MALRD1: variants seen among roughly 807,000 people sequenced by gnomAD.
MALRD1 encodes MAM and LDL receptor class A domain containing 1, also known as MAM and LDL-receptor class A domain-containing protein 1.
A neutral mutation model predicts 242.1 loss-of-function variants in MALRD1; 247 were observed. That is an observed-to-expected ratio of 1.02 (90% CI 0.92 to 1.13). MALRD1 has a LOEUF of 1.13. Among genes scored for constraint, MALRD1 ranks in the 50% most tolerant of loss-of-function variants. The pLI is 0.00. For synonymous variants in MALRD1, 995 were observed against 866.6 expected (o/e 1.15, Z -2.60); for missense variants, 2,989 against 2,533.1 (o/e 1.18, Z -3.86).
intron 11 of MALRD1, among the ~76,000 whole-genome samples, chr10:19,151,861 T>C (rs971980745): frequency 6.6e-6 from 1 of 152,218 alleles, no homozygotes; most frequent in African/African-American, 2.4e-5. Context: ...GAACCAAACC[T>C]AACTGGAGTA....
At chr10:19,148,158 A>G (rs142892197) in intron 11 of MALRD1, among the ~76,000 whole-genome samples, 1 of 152,014 alleles carries the variant, frequency 6.6e-6, no homozygotes. Context: ...AAAAACATGG[A>G]TGTGCTGAAG....
Position 19,389,168 on chromosome 10 carries a change from A to G in MALRD1, c.4688-284A>G, listed in dbSNP as rs190813786. The G allele has an allele frequency of 1.2e-3, 572 of 482,990 alleles. 2 individuals are homozygous for G. Among genetic ancestry groups the G allele is most frequent in the Admixed American group, 4.5e-3 (171 of 37,842 alleles). 29.9% of individuals were successfully genotyped at this position (482,990 alleles called of 1,614,324 possible). On this transcript the variant is annotated intron_variant, in intron 27 of 39. Transcript: ENST00000454679. ...CACTTGGTAGTTTGGGAAATCTATA[A>G]AATAATTTTTGTAGCTATCTTGTTG... is the stretch of plus-strand genomic sequence containing the variant.
rs192902601 is a variant in MALRD1 at position 19,597,174 on chromosome 10, G to A, written c.5944+1717G>A. 3.3e-5 allele frequency among the ~76,000 whole-genome samples: 5 copies of A among 152,080 alleles called. No homozygotes were observed. The East Asian group carries it at 5.8e-4, about 18-fold the overall frequency. On this transcript the variant is annotated intron_variant, in intron 34 of 39. Coordinates refer to ENST00000454679, the MANE Select transcript of MALRD1 (RefSeq NM_001142308.3). The stretch of plus-strand genomic sequence containing the variant: ...TCTTCTAATCTTTTCTTAGAAACAA[G>A]GTAAGCAAATGGAGGTGAATAGAAA...
At chr10:19,066,129 C>A (rs953927591) in intron 1 of MALRD1, among the ~76,000 whole-genome samples, 34 of 152,098 alleles carry the variant, frequency 2.2e-4, no homozygotes, top group African/African-American at 6.5e-4. Context: ...CATCTTTAGA[C>A]AATTTACAAT....
intron 33 of MALRD1, among the ~76,000 whole-genome samples, chr10:19,587,715 A>C (rs907219456): frequency 1.3e-5 from 2 of 152,214 alleles, no homozygotes; most frequent in African/African-American, 4.8e-5. Flanking sequence ...AACTGTCTGC[A>C]TAGCACAAAG....
At chr10:19,688,968 C>G (rs1842709581) in intron 36 of MALRD1, among the ~76,000 whole-genome samples, 1 of 152,192 alleles carries the variant, frequency 6.6e-6, no homozygotes, top group African/African-American at 2.4e-5. Context: ...TCCTCCCCCT[C>G]CACCTTTATA....
chr10:19,251,458 G>C (rs1420556821), intron 18 of MALRD1, among the ~76,000 whole-genome samples: 1 of 151,898 alleles, frequency 6.6e-6, no homozygotes, highest in Non-Finnish European at 1.5e-5. Flanking sequence ...TGGTGTGACT[G>C]TCTGACATGC....
intron 29 of MALRD1, among the ~76,000 whole-genome samples, chr10:19,468,718 T>G (rs7087294): frequency 0.07 from 10,693 of 151,914 alleles, 1,247 homozygotes; most frequent in African/African-American, 0.24. Flanking sequence ...GCCTCAGTGT[T>G]TATATAATCT....
chr10:19,170,793 C>G (rs1409090068), intron 13 of MALRD1, among the ~76,000 whole-genome samples: 2 of 152,110 alleles, frequency 1.3e-5, no homozygotes, highest in African/African-American at 4.8e-5. Context: ...CTTCTATTCT[C>G]TAATCTTCTG....
chr10:19,683,808 C>T (rs1439959222), intron 36 of MALRD1, among the ~76,000 whole-genome samples: 3 of 152,108 alleles, frequency 2.0e-5, no homozygotes, highest in South Asian at 2.1e-4. Flanking sequence ...ACGTGCAGAA[C>T]GTGCAGGATT....
In MALRD1 at chr10:19,205,079, G is replaced by C; in HGVS notation, c.2392G>C (p.Gly798Arg). ...TTTGTCACTAGATAAAGTCAGTCTG[G>C]GCATTTATGATGGGGTCTCAGCTAT... Reference protein sequence around the residue: ...FHLSLDKVSLGIYDGVSAIDD... With the variant: ...FHLSLDKVSLRIYDGVSAIDD... Residue 798 changes from glycine (G) to arginine (R), a missense_variant, in exon 17 of 40, where the codon GGC becomes CGC. By Grantham distance (125) the Gly-to-Arg change is moderately radical. Transcript: ENST00000454679. 3 of 1,550,660 alleles carry C rather than the reference G, an allele frequency of 1.9e-6. No individual in the cohort carries two copies. Among genetic ancestry groups the C allele is most frequent in the Non-Finnish European group, 2.6e-6 (3 of 1,146,998 alleles).
chr10:19,507,276 T>A (rs1833185700), intron 31 of MALRD1, among the ~76,000 whole-genome samples: 1 of 152,082 alleles, frequency 6.6e-6, no homozygotes, highest in Non-Finnish European at 1.5e-5. Flanking sequence ...CACCATGGGT[T>A]GAAATGGTTA....
chr10:19,657,592 T>C (rs1841219731), intron 36 of MALRD1, among the ~76,000 whole-genome samples: 1 of 152,092 alleles, frequency 6.6e-6, no homozygotes, highest in Admixed American at 6.6e-5. Context: ...GGCATATATA[T>C]AATGGGACAC....
chr10:19,183,460 G>T (rs1835605843), intron 14 of MALRD1, among the ~76,000 whole-genome samples: 1 of 152,048 alleles, frequency 6.6e-6, no homozygotes, highest in African/African-American at 2.4e-5. Context: ...CCACCCTCAG[G>T]ATTTCTATTT....
At chr10:19,321,741 A>G (rs958444806) in intron 21 of MALRD1, among the ~76,000 whole-genome samples, 1 of 152,110 alleles carries the variant, frequency 6.6e-6, no homozygotes, top group African/African-American at 2.4e-5. Flanking sequence ...ATTAAACTGT[A>G]TGTTTGCACC....
intron 14 of MALRD1, among the ~76,000 whole-genome samples, chr10:19,177,637 C>A (rs1404655679): frequency 6.6e-6 from 1 of 152,092 alleles, no homozygotes; most frequent in Non-Finnish European, 1.5e-5. Context: ...AAAGCATGTG[C>A]TTTATTTTAT....
chr10:19,661,734 T>C (rs996114521), intron 36 of MALRD1, among the ~76,000 whole-genome samples: 1 of 152,138 alleles, frequency 6.6e-6, no homozygotes, highest in African/African-American at 2.4e-5. Context: ...TGTATACATA[T>C]GTAACAAACC....
At chr10:19,451,323 G>A (rs1835312750) in intron 29 of MALRD1, among the ~76,000 whole-genome samples, 1 of 151,942 alleles carries the variant, frequency 6.6e-6, no homozygotes, top group South Asian at 2.1e-4. Flanking sequence ...GAGATTTAAA[G>A]ATGCTACTCC....
At chr10:19,703,848 T>C (rs1323708144) in intron 38 of MALRD1, among the ~76,000 whole-genome samples, 1 of 152,172 alleles carries the variant, frequency 6.6e-6, no homozygotes, top group East Asian at 1.9e-4. Context: ...TGAGCTGAGA[T>C]TGTGCCACTG....
Sources: allele counts gnomAD v4.1 joint callset (sites outside exome capture counted in the v4.1 genomes callset), GRCh38; gene constraint gnomAD v4.1.1; transcripts MANE v1.5; gene names NCBI Gene and HGNC (gene_info 2026-07-23, HGNC 2026-07-21).